Variants in HHIPL1 observed in about 807,000 individuals in gnomAD.
HHIPL1 encodes the protein HHIP-like protein 1.
HHIPL1 carries 43 observed loss-of-function variants against 61.8 expected under a neutral mutation model. That is an observed-to-expected ratio of 0.70 (90% CI 0.55 to 0.90). HHIPL1 has a LOEUF of 0.90. Ranked by LOEUF, HHIPL1 falls within the 40% of genes least tolerant of loss-of-function variation. HHIPL1 has a pLI of 0.00. For synonymous variants in HHIPL1, 482 were observed against 515.8 expected (o/e 0.93, Z 0.89); for missense variants, 1,056 against 1,157.7 (o/e 0.91, Z 1.28).
the HHIPL1 span, among the ~76,000 whole-genome samples, chr14:99,634,216 G>T: frequency 2.0e-5 from 3 of 152,146 alleles, no homozygotes; most frequent in African/African-American, 4.8e-5. Flanking sequence ...GTCTGTGCAA[G>T]TGTGTGCACT....
At chr14:99,622,332 T>TTACA in the HHIPL1 span, among the ~76,000 whole-genome samples, 15 of 152,296 alleles carry the variant, frequency 9.8e-5, no homozygotes, top group Admixed American at 4.6e-4. Flanking sequence ...TTGCACTGAT[T>TTACA]TACAGAGTGT....
At position 99,659,762 on chromosome 14, in the gene HHIPL1, TGCCCGCGCCCCGGGGACCCCG is replaced by T. The variant is rs773485543; in HGVS notation, c.1375+11_1375+31del. The stretch of plus-strand genomic sequence containing the variant: ...GTGCGCCAACACCTCTCTCAGTGAG[TGCCCGCGCCCCGGGGACCCCG>T]GCCCCGAATCCGCCCCCACCCCACC... On this transcript the variant is annotated splice_region_variant and intron_variant, in intron 4 of 8. Transcript: ENST00000330710. 1 of 1,334,288 alleles carries T rather than the reference TGCCCGCGCCCCGGGGACCCCG, an allele frequency of 7.5e-7. No homozygotes were observed. The highest frequency in any genetic ancestry group is 9.6e-7 in the Non-Finnish European group (1 of 1,040,806). 82.7% of individuals were successfully genotyped at this position (1,334,288 alleles called of 1,614,324 possible).
chr14:99,609,852 G>A, the HHIPL1 span, among the ~76,000 whole-genome samples: 1 of 152,242 alleles, frequency 6.6e-6, no homozygotes, highest in Admixed American at 6.5e-5. Context: ...AAAGCCTCAA[G>A]TATAACCTGA....
At chr14:99,650,617 CATG>C (rs1188121022) in intron 1 of HHIPL1, among the ~76,000 whole-genome samples, 1 of 152,194 alleles carries the variant, frequency 6.6e-6, no homozygotes, top group Non-Finnish European at 1.5e-5. Context: ...TGGCATGTGA[CATG>C]ATACTTTGGG....
the HHIPL1 span, among the ~76,000 whole-genome samples, chr14:99,626,037 C>G: frequency 1.3e-5 from 2 of 152,162 alleles, no homozygotes; most frequent in African/African-American, 4.8e-5. Flanking sequence ...ATTGCTACCC[C>G]GTCAGGTGGG....
rs1035110592 is a variant in HHIPL1 at position 99,678,877 on chromosome 14, C to A, written c.*3251C>A. 1 of 152,222 alleles carries A rather than the reference C, an allele frequency of 6.6e-6. No homozygotes were observed. Among genetic ancestry groups the A allele is most frequent in the African/African-American group, 2.4e-5 (1 of 41,458 alleles). 9.4% of individuals were successfully genotyped at this position (152,222 alleles called of 1,614,324 possible). A position where few individuals can be genotyped will look rare whatever the true frequency, so the allele number is the denominator to read the frequency against. On this transcript the variant is annotated 3_prime_UTR_variant, in exon 9 of 9. Coordinates refer to ENST00000330710, the MANE Select transcript of HHIPL1 (RefSeq NM_001127258.3). The stretch of plus-strand genomic sequence containing the variant: ...TCGTCTTTAAAAGAAACCATTATTT[C>A]TAACACTTACGATTTATTCTTTAAC...
intron 1 of HHIPL1, among the ~76,000 whole-genome samples, chr14:99,651,024 A>G (rs1343557423): frequency 6.6e-6 from 1 of 152,216 alleles, no homozygotes; most frequent in Non-Finnish European, 1.5e-5. Flanking sequence ...TGAAGCGGGA[A>G]GATGGCTTGA....
At chr14:99,648,808 G>A (rs1279490910) in intron 1 of HHIPL1, among the ~76,000 whole-genome samples, 2 of 152,184 alleles carry the variant, frequency 1.3e-5, no homozygotes, top group African/African-American at 2.4e-5. Context: ...GCAAATATCC[G>A]ATGGACAGGA....
Position 99,659,638 on chromosome 14 carries a change from C to T in HHIPL1, c.1257C>T (p.Asp419=), listed in dbSNP as rs1331052311. 5 of 1,553,974 alleles carry T rather than the reference C, an allele frequency of 3.2e-6. No homozygotes were observed. The highest frequency in any genetic ancestry group is 1.4e-5 in the African/African-American group (1 of 71,882). ...GCCGCGGGCGCCTCTTCTGCGGCGA[C>T]GTGGGCCAGAACAAGTTCGAGGAGG... ...GTGRGRLFCG[D]VGQNKFEEVD... is the part of the protein sequence containing the mutation. Residue 419 remains aspartate (D), a synonymous_variant, in exon 4 of 9, where the codon GAC becomes GAT. Transcript: ENST00000330710.
chr14:99,631,221 CA>C, the HHIPL1 span, among the ~76,000 whole-genome samples: 2 of 151,860 alleles, frequency 1.3e-5, no homozygotes, highest in Non-Finnish European at 2.9e-5. Context: ...CCTCAGCCCC[CA>C]GAGTAGCTGG....
intron 5 of HHIPL1, among the ~76,000 whole-genome samples, chr14:99,661,397 GAAAGAA>G: frequency 1.4e-5 from 2 of 142,834 alleles, no homozygotes; most frequent in Non-Finnish European, 3.1e-5. Context: ...GAAAGAGAGA[GAAAGAA>G]AGAGAGAGAG....
chr14:99,668,027 C>A lies in HHIPL1; in HGVS notation c.1649-195C>A, dbSNP rs190798805. On this transcript the variant is annotated intron_variant, in intron 6 of 8. Transcript: ENST00000330710. This position sits in a 1 kb window ranked among gnomAD's most constrained non-coding sequence, Gnocchi z 4.7. ...ACCAGGCTCCAGAGGCCCTTGGGTA[C>A]AACCCAACTCCTCACCCAGCCTCAC... 6.6e-5 allele frequency among the ~76,000 whole-genome samples: 10 copies of A among 152,320 alleles called. No individual in the cohort carries two copies. The highest frequency in any genetic ancestry group is 6.5e-4 in the Admixed American group (10 of 15,306).
chr14:99,675,701 A>G lies in HHIPL1; in HGVS notation c.*75A>G. ...GGGCCGCTCCGCCCTGTGTGCGCCC[A>G]GCGGGTGCACACGTGTTCTAGAGTG... On this transcript the variant is annotated 3_prime_UTR_variant, in exon 9 of 9. Coordinates refer to ENST00000330710, the MANE Select transcript of HHIPL1 (RefSeq NM_001127258.3). The surrounding 1 kb of genome is among the most constrained non-coding windows in gnomAD (Gnocchi z 5.4). 8.0e-6 allele frequency: 11 copies of G among 1,369,556 alleles called. No individual in the cohort carries two copies. The highest frequency in any genetic ancestry group is 9.6e-6 in the Non-Finnish European group (10 of 1,036,594). The allele number at this position is 1,369,556 out of a possible 1,614,324, so 84.8% of individuals were successfully genotyped here. A position where few individuals can be genotyped will look rare whatever the true frequency, so the allele number is the denominator to read the frequency against.
At chr14:99,605,305 C>T in the HHIPL1 span, among the ~76,000 whole-genome samples, 2 of 146,746 alleles carry the variant, frequency 1.4e-5, no homozygotes, top group East Asian at 2.0e-4. Flanking sequence ...CTTCCCACTG[C>T]CTGTAAGTCT....
intron 1 of HHIPL1, among the ~76,000 whole-genome samples, chr14:99,645,730 G>A (rs979479005): frequency 1.3e-5 from 2 of 152,242 alleles, no homozygotes; most frequent in African/African-American, 4.8e-5. Flanking sequence ...ACGGACAGAT[G>A]ATGTCATCAT....
chr14:99,613,105 T>C, the HHIPL1 span, among the ~76,000 whole-genome samples: 1 of 150,324 alleles, frequency 6.7e-6, no homozygotes, highest in East Asian at 2.0e-4. Context: ...TAATTCCTCC[T>C]GCACCCCAGG....
At chr14:99,632,053 A>C in the HHIPL1 span, among the ~76,000 whole-genome samples, 3 of 152,150 alleles carry the variant, frequency 2.0e-5, no homozygotes, top group Admixed American at 6.5e-5. Context: ...TGAGACCAGC[A>C]ACACCACTAG....
At chr14:99,642,099 C>T (rs1238329305), upstream of HHIPL1, among the ~76,000 whole-genome samples, 1 of 152,050 alleles carries the variant, frequency 6.6e-6, no homozygotes, top group Non-Finnish European at 1.5e-5. Context: ...GTCACCATGC[C>T]TGGCTAATTT....
intron 1 of HHIPL1, among the ~76,000 whole-genome samples, chr14:99,648,283 ATCT>A (rs1291556032): frequency 1.3e-5 from 2 of 152,188 alleles, no homozygotes; most frequent in Non-Finnish European, 2.9e-5. Flanking sequence ...AAACACATAC[ATCT>A]TCTCCATTTG....
Sources: gnomAD v4.1 joint callset for allele counts (sites outside exome capture counted in the v4.1 genomes callset) on GRCh38, gnomAD v4.1.1 for gene constraint, Gnocchi (gnomAD v3.1) non-coding constraint, MANE v1.5 for transcripts, NCBI Gene and HGNC (gene_info 2026-07-23, HGNC 2026-07-21) for gene names.